NRK: variants seen among roughly 807,000 people sequenced by gnomAD.
The protein encoded by NRK is nik-related protein kinase.
In NRK, 67 loss-of-function variants were observed where a neutral mutation model predicts 125.2. The ratio of observed to expected loss-of-function variants is 0.54; its 90% CI spans 0.44 to 0.66. The LOEUF (loss-of-function observed/expected upper bound fraction) is 0.66. NRK is among the 30% of genes least tolerant of loss of function. The probability of loss-of-function intolerance (pLI) is 0.00; values close to 1 mark genes in which losing one functional copy is unlikely to be tolerated. For synonymous variants in NRK, 458 were observed against 429.0 expected, an observed-to-expected ratio of 1.07 and a Z score of -0.84; for missense variants, 1,224 against 1,192.9, an observed-to-expected ratio of 1.03 and a Z score of -0.38.
chrX:105,849,392 C>T (rs2039441868), intron 2 of NRK, among the ~76,000 whole-genome samples: 1 of 111,181 alleles, frequency 9.0e-6, no homozygotes, highest in Non-Finnish European at 1.9e-5. Flanking sequence ...GAGAGACAGC[C>T]AAACCATATC....
chrX:105,941,045 C>A (rs976103241), intron 23 of NRK, among the ~76,000 whole-genome samples: 1 of 111,619 alleles, frequency 9.0e-6, no homozygotes, highest in Non-Finnish European at 1.9e-5. Flanking sequence ...CACTACTTCC[C>A]TCCAAATCAT....
At chrX:105,835,989 CAAAG>C (rs1385216815) in intron 2 of NRK, among the ~76,000 whole-genome samples, 2 of 111,653 alleles carry the variant, frequency 1.8e-5, no homozygotes, top group Non-Finnish European at 1.9e-5. Flanking sequence ...AATTAAAAAA[CAAAG>C]AAAAATTTAG....
At chrX:105,926,083 C>G (rs2040520201) in intron 19 of NRK, among the ~76,000 whole-genome samples, 1 of 111,305 alleles carries the variant, frequency 9.0e-6, no homozygotes, top group Non-Finnish European at 1.9e-5. Flanking sequence ...TATAAAAGTT[C>G]CCTTTTCTCC....
rs1481585360 is a variant in NRK, at chrX:105,822,883, C to G, written c.38C>G (p.Thr13Arg). The G allele has an allele frequency of 1.7e-6, 2 of 1,170,867 alleles. No individual in the cohort carries two copies. The highest frequency in any genetic ancestry group is 1.9e-5 in the South Asian group (1 of 52,847). The change falls in exon 1 of 29, where the codon ACG becomes AGG. Residue 13 changes from threonine to arginine, a missense_variant. Transcript: ENST00000243300. ...GPGGWRDREVTDLGHLPDPTG... is the reference protein window; with the variant it reads ...GPGGWRDREVRDLGHLPDPTG... ...GGGGGCTGGAGGGACAGGGAGGTCACGGATCTGGGCCACCTGCCGGTGAGT... is the reference window on the plus strand; with the variant it reads ...GGGGGCTGGAGGGACAGGGAGGTCAGGGATCTGGGCCACCTGCCGGTGAGT...
At chrX:105,825,027 A>G (rs1035602054) in intron 1 of NRK, among the ~76,000 whole-genome samples, 1 of 112,158 alleles carries the variant, frequency 8.9e-6, no homozygotes, top group Non-Finnish European at 1.9e-5. Flanking sequence ...TCAAACCCTA[A>G]GAAATCTAGC....
rs73533149 is a variant in NRK, at chrX:105,911,407, T to A, written c.2242-1241T>A. On this transcript the variant is annotated intron_variant, in intron 13 of 28. Coordinates refer to ENST00000243300, the MANE Select transcript of NRK (RefSeq NM_198465.4). ...ATTTGTGTAAAAGGAATCATTGTGA[T>A]GATCCTAACTTATACCCTTTTATCC... Among the ~76,000 whole-genome samples the A allele has an allele frequency of 5.7e-3, 642 of 111,868 alleles. 5 individuals carry two copies. Among genetic ancestry groups the A allele is most frequent in the African/African-American group, 0.02 (618 of 30,865 alleles).
intron 2 of NRK, among the ~76,000 whole-genome samples, chrX:105,865,599 A>G (rs891952466): frequency 3.3e-4 from 37 of 111,374 alleles, no homozygotes; most frequent in Middle Eastern, 4.6e-3. Flanking sequence ...TTAAACCCAC[A>G]CAAGTGGCAA....
chrX:105,885,801 CAAT>C (rs996516195), intron 4 of NRK, among the ~76,000 whole-genome samples: 1 of 111,871 alleles, frequency 8.9e-6, no homozygotes, highest in African/African-American at 3.2e-5. Flanking sequence ...AGTCAAATAA[CAAT>C]GATATTTTGT....
Position 105,893,830 on chromosome X carries a change from AGATGGT to A in NRK, c.383_388del (p.Val128_Met129del). ...TTTTATACTTTGCTGGCTTTCCTGC[AGATGGT>A]GATGGAGTTATGTGCAGCAGGTTCG... On this transcript the variant is annotated splice_acceptor_variant and coding_sequence_variant, in exon 6 of 29. Coordinates refer to ENST00000243300, the MANE Select transcript of NRK (RefSeq NM_198465.4). LOFTEE classifies it high-confidence loss of function. 1 of 1,146,053 alleles carries A rather than the reference AGATGGT, an allele frequency of 8.7e-7. No homozygotes were observed. Among genetic ancestry groups the A allele is most frequent in the Non-Finnish European group, 1.2e-6 (1 of 837,527 alleles). 94.4% of individuals were successfully genotyped at this position (1,146,053 alleles called of 1,213,427 possible). A position where few individuals can be genotyped will look rare whatever the true frequency, so the allele number is the denominator to read the frequency against.
At chrX:105,942,704 C>T (rs1442820899) in intron 23 of NRK, among the ~76,000 whole-genome samples, 5 of 111,492 alleles carry the variant, frequency 4.5e-5, no homozygotes, top group African/African-American at 1.3e-4. Context: ...CTGCAACCTC[C>T]ACCTCCCAGG....
At chrX:105,922,358 T>C (rs2040463246) in intron 17 of NRK, among the ~76,000 whole-genome samples, 1 of 111,510 alleles carries the variant, frequency 9.0e-6, no homozygotes. Context: ...TAATCTCAGA[T>C]TGAGGGGTAC....
intron 9 of NRK, among the ~76,000 whole-genome samples, chrX:105,902,314 A>G (rs1435659260): frequency 1.8e-5 from 2 of 111,306 alleles, no homozygotes; most frequent in Non-Finnish European, 3.8e-5. Context: ...GAGTAATACA[A>G]CTTTGGTCAA....
rs942282191 is a variant in NRK at position 105,952,909 on chromosome X, A to T, written c.4514-125A>T. 7.4e-6 allele frequency: 4 copies of T among 543,431 alleles called. No homozygotes were observed. The Admixed American group carries it at 1.9e-4, about 26-fold the overall frequency. 44.8% of individuals were successfully genotyped at this position (543,431 alleles called of 1,213,427 possible). A position where few individuals can be genotyped will look rare whatever the true frequency, so the allele number is the denominator to read the frequency against. On this transcript the variant is annotated intron_variant, in intron 27 of 28. Transcript: ENST00000243300. The stretch of plus-strand genomic sequence containing the variant: ...ACAACTGACTACAGGAGGGAAAAAC[A>T]GGATGTGCTAACCTGAACTGTAACA...
intron 1 of NRK, among the ~76,000 whole-genome samples, chrX:105,826,813 T>C (rs753538657): frequency 9.0e-6 from 1 of 111,122 alleles, no homozygotes; most frequent in South Asian, 3.8e-4. Context: ...CAGTTAACTA[T>C]AATTGAAATA....
At chrX:105,904,942 A>G (rs2040202315) in intron 9 of NRK, among the ~76,000 whole-genome samples, 1 of 112,125 alleles carries the variant, frequency 8.9e-6, no homozygotes, top group Non-Finnish European at 1.9e-5. Context: ...CTGCAATACA[A>G]AAACATAGAA....
At chrX:105,826,399 A>G (rs1400321728) in intron 1 of NRK, among the ~76,000 whole-genome samples, 1 of 65,379 alleles carries the variant, frequency 1.5e-5, no homozygotes, top group African/African-American at 8.4e-5. Flanking sequence ...TAATATATAT[A>G]TAATATATAT....
At chrX:105,879,859 A>G (rs185659190) in intron 2 of NRK, among the ~76,000 whole-genome samples, 9 of 111,000 alleles carry the variant, frequency 8.1e-5, no homozygotes, top group Non-Finnish European at 1.3e-4. Flanking sequence ...ATTTTCATTT[A>G]GATTAAATGC....
rs1441258469 is a variant in NRK, at chrX:105,908,797, C to A, written c.1156C>A (p.His386Asn). Reference protein sequence around the residue: ...SSRCRPLRVLHGEPSQPRWLP... With the variant: ...SSRCRPLRVLNGEPSQPRWLP... ...CAGATGCAGACCACTTAGAGTCCTGCATGGGGAACCCTCTCAGCCAAGGTG... is the reference window on the plus strand; with the variant it reads ...CAGATGCAGACCACTTAGAGTCCTGAATGGGGAACCCTCTCAGCCAAGGTG... The change falls in exon 13 of 29, where the codon CAT becomes AAT. Residue 386 changes from histidine to asparagine, a missense_variant. Transcript: ENST00000243300. 1.7e-6 allele frequency: 2 copies of A among 1,209,155 alleles called. No homozygotes were observed. The highest frequency in any genetic ancestry group is 3.5e-5 in the African/African-American group (2 of 57,160).
intron 22 of NRK, among the ~76,000 whole-genome samples, chrX:105,938,873 A>G (rs1569318191): frequency 9.0e-6 from 1 of 111,689 alleles, no homozygotes; most frequent in Non-Finnish European, 1.9e-5. Context: ...GAAACTTACA[A>G]TCATGGCAGA....
Sources: gnomAD v4.1 joint callset for allele counts (sites outside exome capture counted in the v4.1 genomes callset) on GRCh38, gnomAD v4.1.1 for gene constraint, MANE v1.5 for transcripts, NCBI Gene and HGNC (gene_info 2026-07-23, HGNC 2026-07-21) for gene names.